ANKRD12: variants seen among roughly 807,000 people sequenced by gnomAD.
The protein encoded by ANKRD12 is ankyrin repeat domain-containing protein 12.
ANKRD12 carries 85 observed loss-of-function variants against 183.4 expected under a neutral mutation model. The observed-to-expected ratio is 0.46, with a 90% CI of 0.39 to 0.56. The LOEUF is 0.56. Ranked by LOEUF, ANKRD12 falls within the 20% of genes least tolerant of loss-of-function variation. The probability of loss-of-function intolerance (pLI) is 0.00; values close to 1 mark genes in which losing one functional copy is unlikely to be tolerated. For missense variants in ANKRD12, 2,405 were observed against 2,357.1 expected (o/e 1.02, Z -0.42); for synonymous variants, 914 against 800.2 (o/e 1.14, Z -2.40).
Position 9,211,685 on chromosome 18 carries a change from G to A in ANKRD12, c.553G>A (p.Gly185Ser). Residue 185 changes from glycine to serine, a missense_variant, in exon 6 of 13, where the codon GGT (glycine) becomes AGT (serine). Transcript: ENST00000262126. ...TAAAGTTAATAAAAGAAATGAACGT[G>A]GTGAAACTCCTTTACACATGGCTGC... ...KDKVNKRNER[G>S]ETPLHMAAIR... is the part of the protein sequence containing the mutation. 1 of 1,613,704 alleles carries A rather than the reference G, an allele frequency of 6.2e-7. No homozygotes were observed. Among genetic ancestry groups the A allele is most frequent in the Non-Finnish European group, 8.5e-7 (1 of 1,179,788 alleles).
intron 1 of ANKRD12, among the ~76,000 whole-genome samples, chr18:9,168,923 TTGTTCTCGTTGG>T: frequency 6.6e-6 from 1 of 152,196 alleles, no homozygotes; most frequent in East Asian, 1.9e-4. Context: ...TGTTGTGTCT[TTGTTCTCGTTGG>T]TTTCAAAGAA....
intron 1 of ANKRD12, among the ~76,000 whole-genome samples, chr18:9,138,150 A>G (rs559287229): frequency 2.0e-5 from 3 of 152,358 alleles, no homozygotes; most frequent in South Asian, 4.1e-4. Context: ...TCATTTTAGA[A>G]TGGTTTATGT....
chr18:9,222,169 T>G (rs2036457089), intron 8 of ANKRD12, among the ~76,000 whole-genome samples, 170 bp downstream of exon 8: 1 of 152,150 alleles, frequency 6.6e-6, no homozygotes, highest in Non-Finnish European at 1.5e-5. Flanking sequence ...AACCTAGGTG[T>G]TTGCTACATA....
rs772927359 is a variant in ANKRD12 at position 9,256,279 on chromosome 18, A to G, written c.3012A>G (p.Thr1004=). The change falls in exon 9 of 13, where the codon ACA becomes ACG. Residue 1004 remains threonine, a synonymous_variant. Coordinates refer to ENST00000262126, the MANE Select transcript of ANKRD12 (RefSeq NM_015208.5). The stretch of plus-strand genomic sequence containing the variant: ...AACCCTTATCCCTTAAAGAAAAAAC[A>G]AAAGATGAACCTTTGAAAACTCCAG... The part of the protein sequence containing the change: ...HEKPLSLKEK[T]KDEPLKTPDG... 1 of 1,606,518 alleles carries G rather than the reference A, an allele frequency of 6.2e-7. No individual in the cohort carries two copies. The highest frequency in any genetic ancestry group is 1.1e-5 in the South Asian group (1 of 89,188).
At chr18:9,177,284 A>G (rs1416281497) in intron 1 of ANKRD12, among the ~76,000 whole-genome samples, 1 of 152,206 alleles carries the variant, frequency 6.6e-6, no homozygotes, top group Non-Finnish European at 1.5e-5. Flanking sequence ...ATTCTCATTC[A>G]GCAAGTGGCC....
chr18:9,196,652 T>G (rs12956828), intron 3 of ANKRD12, among the ~76,000 whole-genome samples: 58,189 of 152,022 alleles, frequency 0.38, 13,034 homozygotes, highest in Middle Eastern at 0.51. Flanking sequence ...CTTTAGAAAA[T>G]CATGTAGTGT....
chr18:9,261,403 A>G (rs895304590), intron 9 of ANKRD12, among the ~76,000 whole-genome samples: 6 of 152,232 alleles, frequency 3.9e-5, no homozygotes, highest in African/African-American at 1.4e-4. Flanking sequence ...GTACATTTAT[A>G]CAAGTATACA....
In ANKRD12 at chr18:9,257,111, T is replaced by A; in HGVS notation, c.3844T>A (p.Ser1282Thr). Residue 1282 changes from serine to threonine, a missense_variant, in exon 9 of 13, where the codon TCA (serine) becomes ACA (threonine). Around this residue, in one of 7 missense-constraint regions of ANKRD12, gnomAD observed 1,983 missense variants for 1,725.9 expected, o/e 1.15. Coordinates refer to ENST00000262126, the MANE Select transcript of ANKRD12 (RefSeq NM_015208.5). ...RIKPPYANRL[S>T]TSHLRSSSVE... The stretch of plus-strand genomic sequence containing the variant: ...TAAACCACCATATGCAAACAGACTT[T>A]CAACATCCCATCTTAGGTCATCTTC... 5 of 1,614,124 alleles carry A rather than the reference T, an allele frequency of 3.1e-6. No homozygotes were observed. Among genetic ancestry groups the A allele is most frequent in the Non-Finnish European group, 4.2e-6 (5 of 1,179,990 alleles).
chr18:9,146,535 T>A (rs1447128405), intron 1 of ANKRD12, among the ~76,000 whole-genome samples: 5 of 152,116 alleles, frequency 3.3e-5, no homozygotes, highest in Non-Finnish European at 7.4e-5. Context: ...TAAAAAAAAA[T>A]TAAAAACCAA....
intron 2 of ANKRD12, among the ~76,000 whole-genome samples, chr18:9,191,337 G>A (rs1307356721): frequency 6.6e-6 from 1 of 152,112 alleles, no homozygotes; most frequent in Admixed American, 6.5e-5. Context: ...GAAACCCTTT[G>A]TTCAAATACG....
chr18:9,174,930 ATTTATT>A (rs1186597956), intron 1 of ANKRD12, among the ~76,000 whole-genome samples: 13 of 8,098 alleles, frequency 1.6e-3, no homozygotes, highest in Non-Finnish European at 5.7e-3. Context: ...AGACCAAAGC[ATTTATT>A]TATTTATTTA....
At chr18:9,275,452 G>A (rs555815664) in intron 10 of ANKRD12, 72 bp from the exon 11 acceptor site, 427 of 1,407,364 alleles carry the variant, frequency 3.0e-4, no homozygotes, top group Non-Finnish European at 4.1e-4. Context: ...CAGCCTAGGC[G>A]AGAGAGTAAG....
At position 9,258,260 on chromosome 18, in the gene ANKRD12, A is replaced by T; in HGVS notation, c.4993A>T (p.Asn1665Tyr). Reference sequence around the variant, plus strand: ...TGCAGGGATGCCAAAAGGAAACCTAAATGAACAAGATCCAAAACATTGTCC... The same window carrying T: ...TGCAGGGATGCCAAAAGGAAACCTATATGAACAAGATCCAAAACATTGTCC... ...MNAGMPKGNL[N>Y]EQDPKHCPES... The change falls in exon 9 of 13, where the codon AAT becomes TAT. Residue 1665 changes from asparagine (N) to tyrosine (Y), a missense_variant. Physicochemically the swap from Asn to Tyr is moderately radical, Grantham distance 143. This residue lies in a region of ANKRD12 where 1,983 missense variants were observed against 1,725.9 expected (regional missense o/e 1.15). Transcript: ENST00000262126. 1.2e-6 allele frequency: 2 copies of T among 1,613,792 alleles called. No individual in the cohort carries two copies. The highest frequency in any genetic ancestry group is 2.2e-5 in the East Asian group (1 of 44,840).
chr18:9,150,359 C>A (rs543206635), intron 1 of ANKRD12, among the ~76,000 whole-genome samples: 1 of 152,100 alleles, frequency 6.6e-6, no homozygotes, highest in Non-Finnish European at 1.5e-5. Context: ...CTACCCAGAA[C>A]GCTGTAGGAC....
Position 9,160,614 on chromosome 18 carries a change from C to G in ANKRD12, c.-51-21768C>G, listed in dbSNP as rs1023726117. Among the ~76,000 whole-genome samples the G allele has an allele frequency of 3.3e-5, 5 of 152,206 alleles. No individual in the cohort carries two copies. In the East Asian group the frequency reaches 9.6e-4, roughly 29 times the overall value. ...AAAAGTGTTTTTTTATCACTCTACTCAGATACTCCGATTCAGTAGCTCTGA... is the reference window on the plus strand; with the variant it reads ...AAAAGTGTTTTTTTATCACTCTACTGAGATACTCCGATTCAGTAGCTCTGA... On this transcript the variant is annotated intron_variant, in intron 1 of 12. Coordinates refer to ENST00000262126, the MANE Select transcript of ANKRD12 (RefSeq NM_015208.5).
chr18:9,281,140 C>A lies in ANKRD12; in HGVS notation c.*14C>A, dbSNP rs751856164. 1 of 1,606,318 alleles carries A rather than the reference C, an allele frequency of 6.2e-7. No individual in the cohort carries two copies. Among genetic ancestry groups the A allele is most frequent in the South Asian group, 1.1e-5 (1 of 90,244 alleles). On this transcript the variant is annotated 3_prime_UTR_variant, in exon 13 of 13. Coordinates refer to ENST00000262126, the MANE Select transcript of ANKRD12 (RefSeq NM_015208.5). ...ACTCCTATATAGCAGTCAGTACTTC[C>A]TGATGGTATTGTCCTAAACTGGTGA... is the stretch of plus-strand genomic sequence containing the variant.
chr18:9,141,156 TG>T (rs1196607988), intron 1 of ANKRD12, among the ~76,000 whole-genome samples: 5 of 152,128 alleles, frequency 3.3e-5, no homozygotes, highest in Non-Finnish European at 7.4e-5. Context: ...AAGTACCTTA[TG>T]GGAATCATAG....
intron 12 of ANKRD12, 75 bp from the exon 13 acceptor site, chr18:9,280,866 A>C: frequency 7.0e-7 from 1 of 1,425,118 alleles, no homozygotes; most frequent in South Asian, 1.2e-5. Context: ...TTCCTAAAGA[A>C]ACTGGATGAG....
Position 9,263,771 on chromosome 18 carries a change from T to C in ANKRD12, c.5665-19T>C, listed in dbSNP as rs747015087. On this transcript the variant is annotated intron_variant, in intron 9 of 12. Coordinates refer to ENST00000262126, the MANE Select transcript of ANKRD12 (RefSeq NM_015208.5). Reference sequence around the variant, plus strand: ...AAATAAAACCTAATATTTTAAACTATATATATCTTTTTAATTAGATTACAC... The same window carrying C: ...AAATAAAACCTAATATTTTAAACTACATATATCTTTTTAATTAGATTACAC... The C allele has an allele frequency of 2.0e-6, 3 of 1,513,452 alleles. No individual in the cohort carries two copies. Among genetic ancestry groups the C allele is most frequent in the Non-Finnish European group, 2.7e-6 (3 of 1,119,606 alleles). The allele number at this position is 1,513,452 out of a possible 1,614,324, so 93.8% of individuals were successfully genotyped here.
Sources: gnomAD v4.1 joint callset for allele counts (sites outside exome capture counted in the v4.1 genomes callset) on GRCh38, gnomAD v4.1.1 for gene constraint, gnomAD v4.1.1 regional missense constraint, MANE v1.5 for transcripts, NCBI Gene and HGNC (gene_info 2026-07-23, HGNC 2026-07-21) for gene names.